OPHN1: variants seen among roughly 807,000 people sequenced by gnomAD.
The protein encoded by OPHN1 is oligophrenin-1.
In OPHN1, 11 loss-of-function variants were observed where a neutral mutation model predicts 60.7. That is an observed-to-expected ratio of 0.18 (90% CI 0.11 to 0.30). The LOEUF (loss-of-function observed/expected upper bound fraction) is 0.30. OPHN1 is among the 10% of genes least tolerant of loss of function. OPHN1 has a pLI of 1.00. For missense variants in OPHN1, 449 were observed against 611.0 expected (o/e 0.73, Z 2.80); for synonymous variants, 226 against 222.6 (o/e 1.02, Z -0.14).
At chrX:68,215,239 C>T (rs961486764) in intron 6 of OPHN1, among the ~76,000 whole-genome samples, 6 of 109,664 alleles carry the variant, frequency 5.5e-5, no homozygotes, top group Non-Finnish European at 9.5e-5. Flanking sequence ...AACCAGTAAG[C>T]TTAAATACAT....
chrX:68,279,101 CTTTTTTTTT>C (rs984725368), intron 4 of OPHN1, among the ~76,000 whole-genome samples: 8 of 21,795 alleles, frequency 3.7e-4, no homozygotes, highest in Non-Finnish European at 4.3e-4. Context: ...CTCCCCCGCT[CTTTTTTTTT>C]TTTTTTTTTT....
chrX:68,337,635 AG>A (rs1470823189), intron 2 of OPHN1, among the ~76,000 whole-genome samples: 1 of 111,054 alleles, frequency 9.0e-6, no homozygotes, highest in Non-Finnish European at 1.9e-5. Flanking sequence ...TACAGGCATG[AG>A]CCCCCACAAC....
At chrX:68,293,672 T>C (rs2078080573) in intron 3 of OPHN1, among the ~76,000 whole-genome samples, 1 of 111,933 alleles carries the variant, frequency 8.9e-6, no homozygotes, top group African/African-American at 3.2e-5. Context: ...ATGGATGCCA[T>C]GCTCTGCTGA....
At chrX:68,308,541 G>A (rs1260433253) in intron 2 of OPHN1, among the ~76,000 whole-genome samples, 1 of 109,243 alleles carries the variant, frequency 9.2e-6, no homozygotes, top group African/African-American at 3.3e-5. Flanking sequence ...GCAGTGAGCT[G>A]AGACTGTGCC....
intron 18 of OPHN1, among the ~76,000 whole-genome samples, chrX:68,106,748 A>G (rs781328377): frequency 9.3e-4 from 104 of 112,047 alleles, no homozygotes; most frequent in African/African-American, 3.3e-3. Flanking sequence ...AACACAGTAC[A>G]AAGGCATAGA....
intron 2 of OPHN1, among the ~76,000 whole-genome samples, chrX:68,427,574 C>A (rs1189449152): frequency 9.2e-6 from 1 of 108,895 alleles, no homozygotes; most frequent in African/African-American, 3.3e-5. Context: ...ATAACAGAAC[C>A]AGCACCTTAC....
Position 68,267,702 on chromosome X carries a change from CAG to C in OPHN1, c.384+7034_384+7035del, listed in dbSNP as rs1382105800. On this transcript the variant is annotated intron_variant, in intron 5 of 24. Transcript: ENST00000355520. ...AAGATCAGAGCAGAACTGAAGGAAA[CAG>C]AGACACAAAAAATGCTTCAAAGAAA... Among the ~76,000 whole-genome samples, 7 of 106,108 alleles carry C rather than the reference CAG, an allele frequency of 6.6e-5. No individual in the cohort carries two copies. The Admixed American group carries it at 7.1e-4, about 11-fold the overall frequency. The allele number at this position is 106,108 out of a possible 115,157, so 92.1% of individuals were successfully genotyped here. A position where few individuals can be genotyped will look rare whatever the true frequency, so the allele number is the denominator to read the frequency against.
intron 20 of OPHN1, among the ~76,000 whole-genome samples, chrX:68,066,908 C>G (rs1334406870): frequency 8.9e-6 from 1 of 111,867 alleles, no homozygotes; most frequent in Non-Finnish European, 1.9e-5. Flanking sequence ...ACCAGCCACC[C>G]ATTTCTACAG....
At chrX:68,164,403 G>A (rs1040187404) in intron 15 of OPHN1, among the ~76,000 whole-genome samples, 2 of 112,237 alleles carry the variant, frequency 1.8e-5, no homozygotes, top group African/African-American at 6.5e-5. Flanking sequence ...GTTTTAGGAG[G>A]CAGGAAAACA....
intron 15 of OPHN1, among the ~76,000 whole-genome samples, chrX:68,191,346 C>A (rs537366795): frequency 9.0e-6 from 1 of 111,677 alleles, no homozygotes; most frequent in Middle Eastern, 4.6e-3. Context: ...CTGATATGTG[C>A]CATGACCTTA....
At chrX:68,141,765 G>T (rs1037510544) in intron 15 of OPHN1, among the ~76,000 whole-genome samples, 6 of 110,712 alleles carry the variant, frequency 5.4e-5, no homozygotes, top group African/African-American at 1.3e-4. Context: ...AGACAGAGAG[G>T]TCAAAGGCTG....
chrX:68,371,645 G>T (rs955178857), intron 2 of OPHN1, among the ~76,000 whole-genome samples: 2 of 112,097 alleles, frequency 1.8e-5, no homozygotes, highest in Non-Finnish European at 3.8e-5. Flanking sequence ...GCCTTGGTAG[G>T]TTTATAGTAG....
intron 2 of OPHN1, among the ~76,000 whole-genome samples, chrX:68,379,189 G>C (rs1045147167): frequency 3.6e-5 from 4 of 110,812 alleles, no homozygotes; most frequent in Non-Finnish European, 7.6e-5. Context: ...TATTCTCTTT[G>C]AAGCAATTGT....
At chrX:68,392,115 T>C (rs2078656612) in intron 2 of OPHN1, among the ~76,000 whole-genome samples, 1 of 111,670 alleles carries the variant, frequency 9.0e-6, no homozygotes, top group Non-Finnish European at 1.9e-5. Context: ...TCCACTTATA[T>C]GAAGATTTTC....
chrX:68,259,253 C>A (rs923097932), intron 5 of OPHN1, among the ~76,000 whole-genome samples: 1 of 111,050 alleles, frequency 9.0e-6, no homozygotes, highest in African/African-American at 3.3e-5. Flanking sequence ...GAGTTCGAGA[C>A]CAGTCTGGGC....
At chrX:68,420,220 A>G (rs1010139161) in intron 2 of OPHN1, among the ~76,000 whole-genome samples, 2 of 111,916 alleles carry the variant, frequency 1.8e-5, no homozygotes, top group Non-Finnish European at 3.8e-5. Flanking sequence ...TACTTTCTGA[A>G]CTATGTATTC....
intron 2 of OPHN1, among the ~76,000 whole-genome samples, chrX:68,305,688 A>G (rs2078141838): frequency 8.9e-6 from 1 of 112,673 alleles, no homozygotes; most frequent in Admixed American, 9.4e-5. Flanking sequence ...TTTAAATTAA[A>G]TCATTGTTCA....
chrX:68,394,386 T>G (rs1387071635), intron 2 of OPHN1, among the ~76,000 whole-genome samples: 3 of 111,568 alleles, frequency 2.7e-5, no homozygotes, highest in Non-Finnish European at 5.6e-5. Context: ...CTGATAAGAT[T>G]AATTTCCCCT....
At chrX:68,238,622 T>C (rs1473079265) in intron 5 of OPHN1, among the ~76,000 whole-genome samples, 1 of 112,034 alleles carries the variant, frequency 8.9e-6, no homozygotes, top group African/African-American at 3.2e-5. Context: ...TGTGTATTTC[T>C]TTTGAAAATA....
Sources: allele counts gnomAD v4.1 joint callset (sites outside exome capture counted in the v4.1 genomes callset), GRCh38; gene constraint gnomAD v4.1.1; transcripts MANE v1.5; gene names NCBI Gene and HGNC (gene_info 2026-07-23, HGNC 2026-07-21).